EPC1: variants seen among roughly 807,000 people sequenced by gnomAD.
EPC1 encodes the protein enhancer of polycomb homolog 1.
A neutral mutation model predicts 98.4 loss-of-function variants in EPC1; 12 were observed. That is an observed-to-expected ratio of 0.12 (90% CI 0.08 to 0.20). EPC1 has a LOEUF of 0.20. Among genes scored for constraint, EPC1 ranks in the 10% least tolerant of loss-of-function variants. The pLI, the probability that EPC1 is intolerant of heterozygous loss-of-function variation, is 1.00. For missense variants in EPC1, 729 were observed against 990.5 expected (o/e 0.74, Z 3.54); for synonymous variants, 357 against 363.9 (o/e 0.98, Z 0.21).
At chr10:32,289,819 T>C (rs1398683990) in intron 6 of EPC1, among the ~76,000 whole-genome samples, 1 of 151,672 alleles carries the variant, frequency 6.6e-6, no homozygotes, top group Non-Finnish European at 1.5e-5. Context: ...AGAAACAGGG[T>C]TTCACCGTGT....
rs1256344226 is a variant in EPC1, at chr10:32,346,847, C to T, written c.69G>A (p.Glu23=). Residue 23 remains glutamate (E), a synonymous_variant, in exon 1 of 14, where the codon GAG becomes GAA. Transcript: ENST00000319778. ...CGTATTCGTGCAGGTCGGGCAGATC[C>T]TCACAGCGGAAAACCGGCAGCGGCT... ...ASKPLPVFRC[E]DLPDLHEYAS... is the part of the protein sequence containing the mutation. The T allele has an allele frequency of 6.2e-7, 1 of 1,614,086 alleles. No individual in the cohort carries two copies. Among genetic ancestry groups the T allele is most frequent in the African/African-American group, 1.3e-5 (1 of 74,946 alleles).
chr10:32,284,745 C>T lies in EPC1; in HGVS notation c.1697G>A (p.Cys566Tyr), dbSNP rs143938346. 333 of 1,614,124 alleles carry T rather than the reference C, an allele frequency of 2.1e-4. 1 individual carries two copies. In the African/African-American group the frequency reaches 4.1e-3, roughly 20 times the overall value. Residue 566 changes from cysteine (C) to tyrosine (Y), a missense_variant, in exon 10 of 14, where the codon TGC (cysteine) becomes TAC (tyrosine). By Grantham distance (194) the Cys-to-Tyr change is radical. Around this residue, in one of 6 missense-constraint regions of EPC1, gnomAD observed 390 missense variants for 438.6 expected, o/e 0.89. Transcript: ENST00000319778. ...ACTTTTACTTTGCGTAGAGGTACTGCATGTCTGGGTCCCAGGTTGTGCTGT... is the reference window on the plus strand; with the variant it reads ...ACTTTTACTTTGCGTAGAGGTACTGTATGTCTGGGTCCCAGGTTGTGCTGT... The part of the protein sequence containing the change: ...TGTAQPGTQT[C>Y]STSTQSKSSS...
At chr10:32,340,884 TCTC>T (rs1838298152) in intron 1 of EPC1, among the ~76,000 whole-genome samples, 1 of 151,346 alleles carries the variant, frequency 6.6e-6, no homozygotes, top group African/African-American at 2.4e-5. Flanking sequence ...TCCCTTGTCT[TCTC>T]ATTGATTTCT....
At position 32,321,654 on chromosome 10, in the gene EPC1, A is replaced by C. The variant is rs567863475; in HGVS notation, c.154-15723T>G. On this transcript the variant is annotated intron_variant, in intron 1 of 13. Coordinates refer to ENST00000319778, the MANE Select transcript of EPC1 (RefSeq NM_001272004.3). ...GAAGTAATATTAAGTAAAAAAAAAA[A>C]CCGTATCACTATGTTCAGACCCTTT... Among the ~76,000 whole-genome samples the C allele has an allele frequency of 2.6e-4, 40 of 152,146 alleles. 2 individuals carry two copies. The South Asian group carries it at 7.7e-3, about 29-fold the overall frequency.
intron 1 of EPC1, among the ~76,000 whole-genome samples, chr10:32,312,502 C>T (rs1328661927): frequency 1.3e-5 from 2 of 151,870 alleles, no homozygotes; most frequent in African/African-American, 4.8e-5. Context: ...TTCCTTTATC[C>T]CCTACCTTTA....
chr10:32,374,241 A>T (rs1398424110), intron 1 of EPC1: 1 of 152,200 alleles, frequency 6.6e-6, no homozygotes, highest in Non-Finnish European at 1.5e-5. Context: ...TTCTAAAATA[A>T]AAATTTTAGT....
intron 1 of EPC1, among the ~76,000 whole-genome samples, chr10:32,339,352 G>A (rs1838184651): frequency 6.6e-6 from 1 of 152,128 alleles, no homozygotes; most frequent in South Asian, 2.1e-4. Context: ...CTTACATCTA[G>A]TAACTCCGAG....
intron 1 of EPC1, among the ~76,000 whole-genome samples, chr10:32,369,385 C>A (rs1331493678): frequency 6.6e-6 from 1 of 151,978 alleles, no homozygotes. Context: ...GACAAGTAGG[C>A]CTTCAGAATA....
chr10:32,307,930 G>A (rs1394588821), intron 1 of EPC1, among the ~76,000 whole-genome samples: 1 of 152,198 alleles, frequency 6.6e-6, no homozygotes, highest in East Asian at 1.9e-4. Context: ...ATGTGTAGGT[G>A]AACATATAAG....
intron 1 of EPC1, among the ~76,000 whole-genome samples, chr10:32,341,954 A>C (rs1009943990): frequency 3.3e-5 from 5 of 152,252 alleles, no homozygotes; most frequent in Non-Finnish European, 7.3e-5. Flanking sequence ...TTTTATAGGC[A>C]TATGGTGGGA....
rs1835711342 is a variant in EPC1 at position 32,269,095 on chromosome 10, C to G, written c.2410G>C (p.Ala804Pro). The change falls in exon 14 of 14, where the codon GCA becomes CCA. Residue 804 changes from alanine (A) to proline (P), a missense_variant. By Grantham distance (27) the Ala-to-Pro change is conservative (BLOSUM62 -1). This residue lies in a region of EPC1 where 156 missense variants were observed against 188.9 expected (regional missense o/e 0.83). Transcript: ENST00000319778. ...ESEKPALNNI[A>P]DNTVAMEVT ...ACCTCCATCGCTACTGTGTTGTCTG[C>G]TATGTTGTTCAGTGCTGGCTTTTCT... 6.2e-7 allele frequency: 1 copy of G among 1,613,994 alleles called. No homozygotes were observed. The highest frequency in any genetic ancestry group is 8.5e-7 in the Non-Finnish European group (1 of 1,179,944).
At chr10:32,273,841 G>C (rs1592531240) in intron 10 of EPC1, 1 of 151,836 alleles carries the variant, frequency 6.6e-6, no homozygotes. Context: ...TTTTTTTAAA[G>C]AACTCATCCT....
At chr10:32,309,712 G>C (rs1417210415) in intron 1 of EPC1, among the ~76,000 whole-genome samples, 1 of 148,038 alleles carries the variant, frequency 6.8e-6, no homozygotes, top group Non-Finnish European at 1.5e-5. Context: ...AATAAATAAA[G>C]AAGAAGAACA....
chr10:32,271,741 T>C lies in EPC1; in HGVS notation c.2182A>G (p.Ile728Val). 1 of 1,614,206 alleles carries C rather than the reference T, an allele frequency of 6.2e-7. No individual in the cohort carries two copies. Among genetic ancestry groups the C allele is most frequent in the African/African-American group, 1.3e-5 (1 of 75,040 alleles). The part of the protein sequence containing the change: ...AANSATTQVL[I>V]GNNIRLTVPS... The stretch of plus-strand genomic sequence containing the variant: ...ACAGTTAATCGAATGTTGTTCCCAA[T>C]CAGAACCTGAGTTGTTGCAGAATTG... The change falls in exon 13 of 14, where the codon ATT becomes GTT. Residue 728 changes from isoleucine (I) to valine (V), a missense_variant. By Grantham distance (29) the Ile-to-Val change is conservative. Transcript: ENST00000319778.
chr10:32,330,761 C>A (rs907031291), intron 1 of EPC1, among the ~76,000 whole-genome samples: 3 of 151,990 alleles, frequency 2.0e-5, no homozygotes, highest in South Asian at 2.1e-4. Flanking sequence ...CAAAGTACTA[C>A]GCATCCTTGA....
intron 1 of EPC1, among the ~76,000 whole-genome samples, chr10:32,314,403 T>C (rs1464061148): frequency 6.6e-6 from 1 of 152,296 alleles, no homozygotes; most frequent in African/African-American, 2.4e-5. Flanking sequence ...TTCACTTTTG[T>C]TACTTCAGCC....
rs374315418 is a variant in EPC1 at position 32,346,957 on chromosome 10, C to T, written c.-42G>A. ...ACCTCTCCGCTCTGGGGAAACGGCC[C>T]CGGCCAGCGGGATCATGGAGAACCG... On this transcript the variant is annotated 5_prime_UTR_variant, in exon 1 of 14. Transcript: ENST00000319778. 3.1e-6 allele frequency: 5 copies of T among 1,605,260 alleles called. No individual in the cohort carries two copies. Among genetic ancestry groups the T allele is most frequent in the South Asian group, 2.2e-5 (2 of 90,946 alleles).
intron 1 of EPC1, among the ~76,000 whole-genome samples, chr10:32,319,076 C>T (rs536291320): frequency 9.1e-4 from 139 of 152,334 alleles, no homozygotes; most frequent in African/African-American, 3.3e-3. Flanking sequence ...TTCCCTGCCT[C>T]TAACTCCATC....
chr10:32,311,123 A>C (rs1836192610), intron 1 of EPC1, among the ~76,000 whole-genome samples: 1 of 152,112 alleles, frequency 6.6e-6, no homozygotes, highest in Non-Finnish European at 1.5e-5. Context: ...ATCCTGGCTA[A>C]CACGGTGAAA....
Sources: allele counts gnomAD v4.1 joint callset (sites outside exome capture counted in the v4.1 genomes callset), GRCh38; gene constraint gnomAD v4.1.1; regional missense constraint gnomAD v4.1.1; transcripts MANE v1.5; gene names NCBI Gene and HGNC (gene_info 2026-07-23, HGNC 2026-07-21).